P4HA3: variants seen among roughly 807,000 people sequenced by gnomAD.
P4HA3 encodes the protein prolyl 4-hydroxylase subunit alpha-3.
P4HA3 carries 60 observed loss-of-function variants against 66.7 expected under a neutral mutation model. That is an observed-to-expected ratio of 0.90 (90% CI 0.73 to 1.12). P4HA3 has a LOEUF of 1.12. Ranked by LOEUF, P4HA3 falls within the 50% of genes most tolerant of loss-of-function variation. The pLI is 0.00. For synonymous variants in P4HA3, 263 were observed against 274.6 expected (o/e 0.96, Z 0.42); for missense variants, 683 against 685.8 (o/e 1.00, Z 0.05).
At chr11:74,256,078 A>T in intron 15 of P4HA3, 2 of 415,232 alleles carry the variant, frequency 4.8e-6, no homozygotes, top group Non-Finnish European at 5.0e-6. Context: ...TCTTCACAGC[A>T]ACTCTATGAG....
chr11:74,264,815 G>A (rs1396184351), downstream of P4HA3, among the ~76,000 whole-genome samples: 1 of 152,142 alleles, frequency 6.6e-6, no homozygotes, highest in East Asian at 1.9e-4. Context: ...CAGCTTCCAG[G>A]GCTCTATCCT....
intron 15 of P4HA3, chr11:74,252,696 C>T (rs500608): frequency 1.9e-4 from 64 of 341,520 alleles, no homozygotes; most frequent in Admixed American, 3.9e-4. Context: ...CTCCCACACA[C>T]GGTTTTGACA....
Position 74,304,314 on chromosome 11 carries a change from C to T in P4HA3, c.299G>A (p.Trp100Ter). 2 of 1,614,058 alleles carry T rather than the reference C, an allele frequency of 1.2e-6. No homozygotes were observed. Among genetic ancestry groups the T allele is most frequent in the South Asian group, 1.1e-5 (1 of 91,072 alleles). Residue 100 changes from tryptophan to a stop codon, truncating the protein, a stop_gained, in exon 2 of 13, where the codon TGG (tryptophan) becomes TAG (stop). Coordinates refer to ENST00000331597, the MANE Select transcript of P4HA3 (RefSeq NM_182904.5). LOFTEE classifies it high-confidence loss of function. ...FTLIKRLQSD[W>*]RNVVHSLEAS... ...CTCCAGACTATGTACCACATTCCTC[C>T]AGTCAGACTGCAGGCGTTTGATGAG...
chr11:74,301,298 T>C (rs1174098509), intron 3 of P4HA3, among the ~76,000 whole-genome samples: 1 of 152,162 alleles, frequency 6.6e-6, no homozygotes, highest in East Asian at 1.9e-4. Flanking sequence ...GAAAGAAAGA[T>C]TGCCAGTAAG....
chr11:74,273,412 GAAATTCGCA>G (rs1419018990), intron 10 of P4HA3, 124 bp downstream of exon 10: 2 of 752,546 alleles, frequency 2.7e-6, no homozygotes, highest in Non-Finnish European at 3.8e-6. Context: ...AATGCTGTCT[GAAATTCGCA>G]AAATTCCTGG....
In P4HA3 at chr11:74,258,731, T is replaced by G. The variant is rs575608618; in HGVS notation, c.*1318+1192A>C. 7.9e-5 allele frequency among the ~76,000 whole-genome samples: 12 copies of G among 152,294 alleles called. No homozygotes were observed. The East Asian group carries it at 2.3e-3, about 29-fold the overall frequency. On this transcript the variant is annotated intron_variant and NMD_transcript_variant, in intron 15 of 15. Coordinates refer to the P4HA3 transcript ENST00000524388. ...ATGAGAGGAATGCTCCAAGCTCAGT[T>G]CAGCCTCCTACTAGCTGGGTGACCT...
In P4HA3 at chr11:74,266,670, T is replaced by C. The variant is rs1345821184; in HGVS notation, c.*578A>G. 1.7e-5 allele frequency: 3 copies of C among 177,674 alleles called. No individual in the cohort carries two copies. Among genetic ancestry groups the C allele is most frequent in the Non-Finnish European group, 3.6e-5 (3 of 83,082 alleles). 11.0% of individuals were successfully genotyped at this position (177,674 alleles called of 1,614,324 possible). A position where few individuals can be genotyped will look rare whatever the true frequency, so the allele number is the denominator to read the frequency against. The stretch of plus-strand genomic sequence containing the variant: ...AGTTGGGAAAAATGATTTATAAACA[T>C]TTTTAATGACTGTGTTAAAAAACCA... On this transcript the variant is annotated 3_prime_UTR_variant, in exon 13 of 13. Transcript: ENST00000331597.
intron 10 of P4HA3, among the ~76,000 whole-genome samples, chr11:74,270,071 A>T (rs1860140448): frequency 6.6e-6 from 1 of 152,186 alleles, no homozygotes; most frequent in South Asian, 2.1e-4. Flanking sequence ...ATACACACAC[A>T]CACAGACACA....
chr11:74,252,078 A>T (rs1456238437), intron 15 of P4HA3, among the ~76,000 whole-genome samples: 1 of 150,282 alleles, frequency 6.7e-6, no homozygotes, highest in Non-Finnish European at 1.5e-5. Flanking sequence ...CTGCCAAGGA[A>T]AGCTGGGCAG....
chr11:74,293,386 A>G (rs991507853), intron 4 of P4HA3, among the ~76,000 whole-genome samples: 2 of 152,010 alleles, frequency 1.3e-5, no homozygotes, highest in Admixed American at 6.6e-5. Flanking sequence ...CTGATGGGTC[A>G]TGACTCTTTA....
chr11:74,253,480 G>C lies in P4HA3; in HGVS notation c.*1319-5479C>G, dbSNP rs576628052. On this transcript the variant is annotated intron_variant and NMD_transcript_variant, in intron 15 of 15. Coordinates refer to the P4HA3 transcript ENST00000524388. ...TACATTTGTTTTTCCTTCTCTTTCTGTTCTTCCACAGTGTGTTTCCTGGCT... is the reference window on the plus strand; with the variant it reads ...TACATTTGTTTTTCCTTCTCTTTCTCTTCTTCCACAGTGTGTTTCCTGGCT... 43 of 1,604,908 alleles carry C rather than the reference G, an allele frequency of 2.7e-5. No individual in the cohort carries two copies. The South Asian group carries it at 4.2e-4, about 16-fold the overall frequency.
intron 4 of P4HA3, among the ~76,000 whole-genome samples, chr11:74,293,373 A>C (rs1335904305): frequency 6.6e-6 from 1 of 152,202 alleles, no homozygotes; most frequent in Admixed American, 6.5e-5. Context: ...TGAATACAGC[A>C]CACTGATGGG....
At chr11:74,303,292 CTTTTT>C (rs779313817) in intron 2 of P4HA3, among the ~76,000 whole-genome samples, 2 of 123,224 alleles carry the variant, frequency 1.6e-5, no homozygotes, top group African/African-American at 3.1e-5. Flanking sequence ...CAACAAACTT[CTTTTT>C]TTTTTTTTTT....
In P4HA3 at chr11:74,277,056, A is replaced by G. The variant is rs201279649; in HGVS notation, c.1264T>C (p.Tyr422His). The change falls in exon 9 of 13, where the codon TAT (tyrosine) becomes CAT (histidine). Residue 422 changes from tyrosine to histidine, a missense_variant. Transcript: ENST00000331597. ...TTCACCACCTGCAGATACTCTGCATAGGGAGGCCGGACATCAAGGCCTGTG... is the reference window on the plus strand; with the variant it reads ...TTCACCACCTGCAGATACTCTGCATGGGGAGGCCGGACATCAAGGCCTGTG... ...ALTGLDVRPP[Y>H]AEYLQVVNYG... is the part of the protein sequence containing the mutation. The G allele has an allele frequency of 3.7e-6, 6 of 1,613,962 alleles. No homozygotes were observed. The highest frequency in any genetic ancestry group is 5.1e-6 in the Non-Finnish European group (6 of 1,179,984).
intron 1 of P4HA3, among the ~76,000 whole-genome samples, chr11:74,306,996 T>C (rs1861599984): frequency 6.6e-6 from 1 of 152,146 alleles, no homozygotes; most frequent in African/African-American, 2.4e-5. Flanking sequence ...TAGGGAAAGA[T>C]ACTCCACTGC....
At chr11:74,256,630 T>C (rs927140830) in intron 15 of P4HA3, among the ~76,000 whole-genome samples, 1 of 152,136 alleles carries the variant, frequency 6.6e-6, no homozygotes, top group Admixed American at 6.5e-5. Context: ...CAGATCAGCA[T>C]GTATGAACTC....
At chr11:74,255,616 C>T (rs1406603233) in intron 15 of P4HA3, among the ~76,000 whole-genome samples, 1 of 147,112 alleles carries the variant, frequency 6.8e-6, no homozygotes, top group East Asian at 1.9e-4. Context: ...CTGGCTTTCT[C>T]ACTAACTGGC....
chr11:74,303,759 T>C (rs1861491186), intron 2 of P4HA3, among the ~76,000 whole-genome samples: 1 of 151,928 alleles, frequency 6.6e-6, no homozygotes, highest in African/African-American at 2.4e-5. Flanking sequence ...AATTTTTGTA[T>C]TTTTGATAGC....
chr11:74,284,527 A>G (rs993264850), intron 7 of P4HA3, among the ~76,000 whole-genome samples: 5 of 152,180 alleles, frequency 3.3e-5, no homozygotes, highest in African/African-American at 9.7e-5. Context: ...TCATGATTGT[A>G]ATTTAATTTA....
Sources: allele counts gnomAD v4.1 joint callset (sites outside exome capture counted in the v4.1 genomes callset), GRCh38; gene constraint gnomAD v4.1.1; transcripts MANE v1.5; gene names NCBI Gene and HGNC (gene_info 2026-07-23, HGNC 2026-07-21).